Variants in FOXP2 observed in about 807,000 individuals in gnomAD.
The protein encoded by FOXP2 is forkhead box P2.
Under a neutral mutation model 115.8 loss-of-function variants are expected in FOXP2, and 12 were observed. That is an observed-to-expected ratio of 0.10 (90% CI 0.07 to 0.17). The LOEUF is 0.17. Among genes scored for constraint, FOXP2 ranks in the 10% least tolerant of loss-of-function variants. The pLI is 1.00. For synonymous variants in FOXP2, 328 were observed against 297.7 expected (o/e 1.10, Z -1.05); for missense variants, 629 against 843.5 (o/e 0.75, Z 3.15).
chr7:114,412,950 A>G (rs994668266), upstream of FOXP2, among the ~76,000 whole-genome samples: 2 of 152,142 alleles, frequency 1.3e-5, no homozygotes, highest in African/African-American at 4.8e-5. Context: ...ATGAATTTAC[A>G]TATTTATAAC....
chr7:114,321,552 A>G (rs1004514144), intron 2 of FOXP2, among the ~76,000 whole-genome samples: 15 of 152,138 alleles, frequency 9.9e-5, no homozygotes, highest in African/African-American at 3.6e-4. Context: ...ATTCTACTTT[A>G]CCAGGAAATC....
At chr7:114,681,841 C>A (rs1808097654) in intron 16 of FOXP2, among the ~76,000 whole-genome samples, 2 of 152,018 alleles carry the variant, frequency 1.3e-5, no homozygotes, top group Admixed American at 6.6e-5. Context: ...GCACATATAT[C>A]TTTGTTTCAT....
chr7:114,465,394 A>T (rs1427731567), intron 2 of FOXP2, among the ~76,000 whole-genome samples: 1 of 152,204 alleles, frequency 6.6e-6, no homozygotes. Context: ...GAGGTATCAG[A>T]CAATTTGGAA....
At chr7:114,579,246 T>G (rs1352086544) in intron 3 of FOXP2, among the ~76,000 whole-genome samples, 1 of 152,180 alleles carries the variant, frequency 6.6e-6, no homozygotes, top group Admixed American at 6.5e-5. Context: ...ATTTAAATAT[T>G]GGACACTCAA....
rs1201001927 is a variant in FOXP2, at chr7:114,285,634, T to C, written c.-101-2385T>C. On this transcript the variant is annotated intron_variant, in intron 1 of 17. Coordinates refer to the FOXP2 transcript ENST00000634411. ...GTAAACAAGAGTTCTCATCTTTCTATATTCTTATCAACACTGCGCAGAATT... is the reference window on the plus strand; with the variant it reads ...GTAAACAAGAGTTCTCATCTTTCTACATTCTTATCAACACTGCGCAGAATT... 6.6e-5 allele frequency among the ~76,000 whole-genome samples: 10 copies of C among 152,138 alleles called. 1 individual carries two copies. The highest frequency in any genetic ancestry group is 6.6e-4 in the Admixed American group (10 of 15,224).
intron 2 of FOXP2, among the ~76,000 whole-genome samples, chr7:114,454,966 A>G (rs923721683): frequency 6.7e-6 from 1 of 148,812 alleles, no homozygotes. Flanking sequence ...ACATGTATAC[A>G]TATGTAACTA....
chr7:114,299,489 A>G lies in FOXP2; in HGVS notation c.-11+11380A>G, dbSNP rs553832724. Reference sequence around the variant, plus strand: ...ATTCTTTTGCCAGTATGGCTTATTTATATTTTTTTATTAATTTAATTTATA... The same window carrying G: ...ATTCTTTTGCCAGTATGGCTTATTTGTATTTTTTTATTAATTTAATTTATA... On this transcript the variant is annotated intron_variant, in intron 2 of 17. Coordinates refer to the FOXP2 transcript ENST00000634411. Among the ~76,000 whole-genome samples the G allele has an allele frequency of 2.7e-3, 414 of 151,750 alleles. 4 individuals carry two copies. The highest frequency in any genetic ancestry group is 9.7e-3 in the African/African-American group (403 of 41,478).
intron 2 of FOXP2, among the ~76,000 whole-genome samples, chr7:114,433,001 T>C (rs150542630): frequency 5.9e-4 from 90 of 152,088 alleles, no homozygotes; most frequent in Non-Finnish European, 1.3e-3. Flanking sequence ...GTTTGGTCTC[T>C]AGAGAGTTTG....
chr7:114,448,674 A>G (rs1292969348), intron 2 of FOXP2, among the ~76,000 whole-genome samples: 2 of 152,162 alleles, frequency 1.3e-5, no homozygotes. Context: ...AGAAATGGCC[A>G]TTTGACAAGC....
chr7:114,589,133 T>C (rs1181524707), intron 3 of FOXP2, among the ~76,000 whole-genome samples: 1 of 152,194 alleles, frequency 6.6e-6, no homozygotes, highest in African/African-American at 2.4e-5. Flanking sequence ...TTTCTGAAGA[T>C]ACAAATTGCA....
At chr7:114,585,523 T>A (rs1386498878) in intron 3 of FOXP2, among the ~76,000 whole-genome samples, 1 of 151,700 alleles carries the variant, frequency 6.6e-6, no homozygotes, top group African/African-American at 2.4e-5. Flanking sequence ...CTTCAGTTAA[T>A]TTATGCTCAT....
intron 3 of FOXP2, among the ~76,000 whole-genome samples, chr7:114,593,883 A>G (rs1182072528): frequency 6.6e-6 from 1 of 152,034 alleles, no homozygotes; most frequent in African/African-American, 2.4e-5. Flanking sequence ...ATAAATATTT[A>G]TTAGTTGATT....
At chr7:114,623,836 T>C (rs1318980552) in intron 3 of FOXP2, among the ~76,000 whole-genome samples, 1 of 151,894 alleles carries the variant, frequency 6.6e-6, no homozygotes. Flanking sequence ...GTTATTGCAC[T>C]GTGCTATATT....
At chr7:114,656,697 G>A (rs537397606) in intron 10 of FOXP2, 105 of 180,748 alleles carry the variant, frequency 5.8e-4, no homozygotes, top group Non-Finnish European at 9.6e-4. Context: ...ATGCCTTCAG[G>A]GTGCCAGTCG....
chr7:114,304,012 A>G (rs925991384), intron 2 of FOXP2, among the ~76,000 whole-genome samples: 1 of 152,142 alleles, frequency 6.6e-6, no homozygotes, highest in Non-Finnish European at 1.5e-5. Flanking sequence ...AGGAATTCAA[A>G]TGCAATTATA....
chr7:114,395,678 GA>G (rs1163385938), intron 2 of FOXP2, among the ~76,000 whole-genome samples: 2 of 152,036 alleles, frequency 1.3e-5, no homozygotes, highest in Non-Finnish European at 2.9e-5. Context: ...ATGAGATGTA[GA>G]TTTGAGAGAG....
chr7:114,177,351 A>G (rs1469596115), intron 1 of FOXP2, among the ~76,000 whole-genome samples: 1 of 151,974 alleles, frequency 6.6e-6, no homozygotes, highest in Non-Finnish European at 1.5e-5. Flanking sequence ...TCTACCATCA[A>G]TGTGTGAAAG....
At position 114,088,433 on chromosome 7, in the gene FOXP2, G is replaced by A. The variant is rs562956351; in HGVS notation, c.-247+595G>A. ...AGAATACTTAAGTAGTAGCAGGTAA[G>A]CCCAAGGGAGAAAGTGACGCCCTGT... On this transcript the variant is annotated intron_variant, in intron 1 of 19. Transcript: ENST00000635638. 4.6e-5 allele frequency among the ~76,000 whole-genome samples: 7 copies of A among 152,318 alleles called. No individual in the cohort carries two copies. In the East Asian group the frequency reaches 1.4e-3, roughly 29 times the overall value.
intron 1 of FOXP2, among the ~76,000 whole-genome samples, chr7:114,174,883 A>G (rs1300995167): frequency 2.6e-5 from 4 of 152,080 alleles, no homozygotes; most frequent in Non-Finnish European, 5.9e-5. Flanking sequence ...TCTTATAATG[A>G]TGTAGGCTTT....
Sources: allele counts gnomAD v4.1 joint callset (sites outside exome capture counted in the v4.1 genomes callset), GRCh38; gene constraint gnomAD v4.1.1; transcripts MANE v1.5; gene names NCBI Gene and HGNC (gene_info 2026-07-23, HGNC 2026-07-21).